GALNT13: variants seen among roughly 807,000 people sequenced by gnomAD.
GALNT13 encodes the protein UDP-GalNAc:polypeptide N-acetylgalactosaminyltransferase 13.
GALNT13 carries 28 observed loss-of-function variants against 64.2 expected under a neutral mutation model. That is an observed-to-expected ratio of 0.44 (90% CI 0.32 to 0.60). GALNT13 has a LOEUF of 0.60. GALNT13 is among the 20% of genes least tolerant of loss of function. GALNT13 has a pLI of 0.05. For synonymous variants in GALNT13, 214 were observed against 224.6 expected (o/e 0.95, Z 0.42); for missense variants, 577 against 669.8 (o/e 0.86, Z 1.53).
At chr2:154,108,673 G>A (rs1453871703) in intron 3 of GALNT13, among the ~76,000 whole-genome samples, 5 of 145,108 alleles carry the variant, frequency 3.4e-5, no homozygotes, top group Non-Finnish European at 5.9e-5. Flanking sequence ...TCTTTCTTAT[G>A]TAATTATTCC....
chr2:153,166,670 T>TGTGTGTGA, the GALNT13 span, among the ~76,000 whole-genome samples: 1 of 143,350 alleles, frequency 7.0e-6, no homozygotes, highest in Non-Finnish European at 1.5e-5. Context: ...TGTGTGTGTG[T>TGTGTGTGA]GATGGGACTG....
chr2:154,223,448 CTTTTTTTTTT>C (rs61230257), intron 4 of GALNT13, among the ~76,000 whole-genome samples: 1 of 124,310 alleles, frequency 8.0e-6, no homozygotes, highest in Non-Finnish European at 1.7e-5. Context: ...TTTTCTTTTT[CTTTTTTTTTT>C]TTTTTTTTTT....
At chr2:153,082,222 T>C in the GALNT13 span, among the ~76,000 whole-genome samples, 3 of 152,120 alleles carry the variant, frequency 2.0e-5, no homozygotes, top group East Asian at 5.8e-4. Context: ...ATAAGTTCTT[T>C]AGTAGTGACT....
intron 11 of GALNT13, among the ~76,000 whole-genome samples, chr2:154,426,429 C>A (rs562451285): frequency 6.6e-6 from 1 of 152,230 alleles, no homozygotes; most frequent in South Asian, 2.1e-4. Context: ...GTCTGTCTTG[C>A]ACTTAAGGGA....
chr2:153,731,053 T>G, the GALNT13 span, among the ~76,000 whole-genome samples: 6 of 151,650 alleles, frequency 4.0e-5, no homozygotes, highest in Non-Finnish European at 8.9e-5. Context: ...ATTGGATAAA[T>G]AAACTATTAT....
At chr2:153,734,429 T>C in the GALNT13 span, among the ~76,000 whole-genome samples, 1 of 152,108 alleles carries the variant, frequency 6.6e-6, no homozygotes, top group East Asian at 1.9e-4. Flanking sequence ...CTGAATTTAG[T>C]GTAGGCAAAC....
At chr2:153,107,946 C>G in the GALNT13 span, among the ~76,000 whole-genome samples, 1 of 152,154 alleles carries the variant, frequency 6.6e-6, no homozygotes, top group Non-Finnish European at 1.5e-5. Flanking sequence ...TCCAAAAGAA[C>G]ACACTGTCTT....
At chr2:153,717,445 T>G in the GALNT13 span, among the ~76,000 whole-genome samples, 1 of 152,210 alleles carries the variant, frequency 6.6e-6, no homozygotes, top group Non-Finnish European at 1.5e-5. Context: ...TATGTACTTG[T>G]AGGTAGAATA....
chr2:154,331,088 C>A (rs540080289), intron 9 of GALNT13, among the ~76,000 whole-genome samples: 2 of 152,104 alleles, frequency 1.3e-5, no homozygotes, highest in South Asian at 4.2e-4. Context: ...TATACATATT[C>A]CCTTTATAAT....
the GALNT13 span, among the ~76,000 whole-genome samples, chr2:153,404,170 G>A: frequency 6.6e-6 from 1 of 152,146 alleles, no homozygotes; most frequent in Non-Finnish European, 1.5e-5. Flanking sequence ...GTGATAGATG[G>A]CAAGGTCTTA....
At chr2:153,434,879 G>C in the GALNT13 span, among the ~76,000 whole-genome samples, 1 of 152,040 alleles carries the variant, frequency 6.6e-6, no homozygotes, top group Non-Finnish European at 1.5e-5. Context: ...ATTGCTTTTG[G>C]TGTTTTAGAC....
chr2:154,428,635 C>G (rs980752550), intron 11 of GALNT13, among the ~76,000 whole-genome samples: 1 of 152,146 alleles, frequency 6.6e-6, no homozygotes, highest in African/African-American at 2.4e-5. Flanking sequence ...TTGTGACAAC[C>G]CTACATGGAG....
chr2:154,247,889 G>A (rs1225003014), intron 7 of GALNT13, among the ~76,000 whole-genome samples: 1 of 152,028 alleles, frequency 6.6e-6, no homozygotes, highest in Non-Finnish European at 1.5e-5. Context: ...ATTAATTCAT[G>A]GGTTCGGTTG....
At chr2:153,673,253 A>C in the GALNT13 span, among the ~76,000 whole-genome samples, 1 of 152,164 alleles carries the variant, frequency 6.6e-6, no homozygotes, top group African/African-American at 2.4e-5. Context: ...GAGACACAAC[A>C]AAAAAAGAGA....
intron 4 of GALNT13, among the ~76,000 whole-genome samples, chr2:154,192,385 G>A (rs903824190): frequency 2.6e-5 from 4 of 152,140 alleles, no homozygotes; most frequent in African/African-American, 9.7e-5. Flanking sequence ...AGGCCCGGGG[G>A]TGGAACCCTA....
chr2:153,660,458 A>G, the GALNT13 span, among the ~76,000 whole-genome samples: 22,176 of 151,760 alleles, frequency 0.15, 2,101 homozygotes, highest in East Asian at 0.49. Context: ...ATACTGTATG[A>G]TTTATGTATT....
chr2:154,253,841 AT>A (rs1559050392), intron 7 of GALNT13, among the ~76,000 whole-genome samples: 1 of 152,210 alleles, frequency 6.6e-6, no homozygotes. Flanking sequence ...TACATTACTC[AT>A]TTGTTTGTTA....
At chr2:154,164,391 G>C (rs1399839428) in intron 4 of GALNT13, among the ~76,000 whole-genome samples, 1 of 152,092 alleles carries the variant, frequency 6.6e-6, no homozygotes, top group East Asian at 1.9e-4. Flanking sequence ...TTTGAAATTT[G>C]GAGTTATAGC....
intron 9 of GALNT13, among the ~76,000 whole-genome samples, chr2:154,327,386 G>A (rs1400423498): frequency 6.6e-6 from 1 of 151,996 alleles, no homozygotes; most frequent in East Asian, 1.9e-4. Context: ...CTCTGGTCTT[G>A]GAGGTTAACT....
Sources: gnomAD v4.1 joint callset for allele counts (sites outside exome capture counted in the v4.1 genomes callset) on GRCh38, gnomAD v4.1.1 for gene constraint, MANE v1.5 for transcripts, NCBI Gene and HGNC (gene_info 2026-07-23, HGNC 2026-07-21) for gene names.